Variants in PROCA1 observed in about 807,000 individuals in gnomAD.
The protein encoded by PROCA1 is protein interacting with cyclin A1.
Under a neutral mutation model 23.2 loss-of-function variants are expected in PROCA1, and 22 were observed. The ratio of observed to expected loss-of-function variants is 0.95; its 90% CI spans 0.68 to 1.35. The LOEUF (loss-of-function observed/expected upper bound fraction) is 1.35. Ranked by LOEUF, PROCA1 falls within the 40% of genes most tolerant of loss-of-function variation. PROCA1 has a pLI of 0.00. For missense variants in PROCA1, 469 were observed against 459.8 expected, an observed-to-expected ratio of 1.02 and a Z score of -0.18; for synonymous variants, 182 against 179.2, an observed-to-expected ratio of 1.02 and a Z score of -0.12.
At position 28,711,625 on chromosome 17, in the gene PROCA1, C is replaced by T; in HGVS notation, c.36G>A (p.Trp12Ter). 2.5e-6 allele frequency: 4 copies of T among 1,612,688 alleles called. No homozygotes were observed. Among genetic ancestry groups the T allele is most frequent in the Non-Finnish European group, 3.4e-6 (4 of 1,179,596 alleles). The change falls in exon 1 of 5, where the codon TGG (tryptophan) becomes TGA (stop). Residue 12 changes from tryptophan (W) to a stop codon, truncating the protein, a stop_gained. Transcript: ENST00000682792. LOFTEE classifies it high-confidence loss of function. The part of the protein sequence containing the change: ...WVRTTLTIER[W>*]TKEKTEPKAR... ...CCTTGGGCTCGGTCTTTTCCTTAGT[C>T]CATCTTTCAATTGTGAGCGTCGTCC...
chr17:28,704,063 G>A lies in PROCA1; in HGVS notation c.590C>T (p.Ser197Phe). 1.2e-6 allele frequency: 2 copies of A among 1,602,966 alleles called. No individual in the cohort carries two copies. Among genetic ancestry groups the A allele is most frequent in the Non-Finnish European group, 1.7e-6 (2 of 1,176,346 alleles). ...IPTQVGPATA[S>F]PDLGTSMATG... is the part of the protein sequence containing the mutation. ...GGCCATGCTGGTGCCTAGGTCAGGGGAGGCGGTGGCGGGCCCCACCTGTGT... is the reference window on the plus strand; with the variant it reads ...GGCCATGCTGGTGCCTAGGTCAGGGAAGGCGGTGGCGGGCCCCACCTGTGT... The change falls in exon 5 of 5, where the codon TCC (serine) becomes TTC (phenylalanine). Residue 197 changes from serine to phenylalanine, a missense_variant. Physicochemically the swap from Ser to Phe is radical, Grantham distance 155 (BLOSUM62 -2). Transcript: ENST00000682792.
intron 1 of PROCA1, 25 bp downstream of exon 1, chr17:28,711,545 C>G: frequency 6.3e-7 from 1 of 1,592,628 alleles, no homozygotes; most frequent in South Asian, 1.1e-5. Flanking sequence ...CGCCCTCTGC[C>G]CAGCCCCTGC....
At chr17:28,709,826 T>C (rs2032697062) in intron 1 of PROCA1, among the ~76,000 whole-genome samples, 1 of 150,632 alleles carries the variant, frequency 6.6e-6, no homozygotes, top group Non-Finnish European at 1.5e-5. Context: ...GTGAAATCCC[T>C]TCTCTAATAA....
rs772073223 is a variant in PROCA1, at chr17:28,704,085, G to C, written c.568C>G (p.Gln190Glu). ...GGGGAGGCGGTGGCGGGCCCCACCT[G>C]TGTCGGGATGGGGGGCTTGCTTTCC... ...EEESKPPIPT[Q>E]VGPATASPDL... Residue 190 changes from glutamine (Q) to glutamate (E), a missense_variant, in exon 5 of 5, where the codon CAG becomes GAG. By Grantham distance (29) the Gln-to-Glu change is conservative. Coordinates refer to ENST00000682792, the MANE Select transcript of PROCA1 (RefSeq NM_001366301.1). 1.3e-6 allele frequency: 2 copies of C among 1,591,776 alleles called. No individual in the cohort carries two copies. The highest frequency in any genetic ancestry group is 1.7e-4 in the Middle Eastern group (1 of 5,924).
rs2032800370 is a variant in PROCA1, at chr17:28,711,799, G to C, written c.-139C>G. On this transcript the variant is annotated 5_prime_UTR_variant, in exon 1 of 5. Coordinates refer to ENST00000682792, the MANE Select transcript of PROCA1 (RefSeq NM_001366301.1). The stretch of plus-strand genomic sequence containing the variant: ...CGCCTAGCCCCTAACCCCGCCTCAT[G>C]CTGGCGCAGCCCCCGCCGGCCTCCC... The C allele has an allele frequency of 1.5e-6, 1 of 654,368 alleles. No individual in the cohort carries two copies. Among genetic ancestry groups the C allele is most frequent in the Non-Finnish European group, 2.4e-6 (1 of 414,882 alleles). 40.5% of individuals were successfully genotyped at this position (654,368 alleles called of 1,614,324 possible).
In PROCA1 at chr17:28,703,544, T is replaced by G; in HGVS notation, c.*14A>C. 6.2e-7 allele frequency: 1 copy of G among 1,608,068 alleles called. No individual in the cohort carries two copies. Among genetic ancestry groups the G allele is most frequent in the Non-Finnish European group, 8.5e-7 (1 of 1,176,760 alleles). On this transcript the variant is annotated 3_prime_UTR_variant, in exon 5 of 5. Coordinates refer to ENST00000682792, the MANE Select transcript of PROCA1 (RefSeq NM_001366301.1). ...GCTCGATGGCATTTATTCTGCACCC[T>G]GACCACCCTGGCCTCAACTGAGGTT...
intron 2 of PROCA1, chr17:28,705,751 C>T (rs1398252706): frequency 6.6e-6 from 1 of 152,376 alleles, no homozygotes; most frequent in Non-Finnish European, 1.5e-5. Flanking sequence ...AGGCCTCTAT[C>T]TCAAAGGTAA....
In PROCA1 at chr17:28,704,696, G is replaced by A; in HGVS notation, c.311+12C>T. On this transcript the variant is annotated intron_variant, in intron 3 of 4. Transcript: ENST00000682792. ...GCTCTGCCATGGGTCCCCCAAGGGG[G>A]CGGGCCCTCACCTAGAATTACAGTT... 6.2e-7 allele frequency: 1 copy of A among 1,613,886 alleles called. No individual in the cohort carries two copies. The highest frequency in any genetic ancestry group is 8.5e-7 in the Non-Finnish European group (1 of 1,179,844).
Position 28,703,612 on chromosome 17 carries a change from G to A in PROCA1, c.1041C>T (p.Ala347=), listed in dbSNP as rs2032240717. 6.2e-7 allele frequency: 1 copy of A among 1,614,102 alleles called. No individual in the cohort carries two copies. Among genetic ancestry groups the A allele is most frequent in the African/African-American group, 1.3e-5 (1 of 75,044 alleles). ...GAGATTTTCTCTTGTTTACCTTCCT[G>A]GCTTGTGAGGGCTTTGCCCCTGTCT... ...AKKTGAKPSQ[A]RKVNKRKSPP... The change falls in exon 5 of 5, where the codon GCC becomes GCT. Residue 347 remains alanine, a synonymous_variant. Coordinates refer to ENST00000682792, the MANE Select transcript of PROCA1 (RefSeq NM_001366301.1).
intron 1 of PROCA1, among the ~76,000 whole-genome samples, chr17:28,710,616 G>A (rs968801421): frequency 1.3e-5 from 2 of 151,970 alleles, no homozygotes; most frequent in Non-Finnish European, 2.9e-5. Flanking sequence ...TTGTGAAGGA[G>A]ACGAGGGGAG....
chr17:28,703,715 C>G lies in PROCA1; in HGVS notation c.938G>C (p.Gly313Ala). 6.2e-7 allele frequency: 1 copy of G among 1,614,100 alleles called. No individual in the cohort carries two copies. The highest frequency in any genetic ancestry group is 8.5e-7 in the Non-Finnish European group (1 of 1,180,034). The stretch of plus-strand genomic sequence containing the variant: ...ATCCTCGCTGGACAGTTCTCCCTGC[C>G]CCCGGCCATTGTAACTGTCCTCGCT... ...LESEDSYNGRGQGELSSEDIV... is the reference protein window; with the variant it reads ...LESEDSYNGRAQGELSSEDIV... The change falls in exon 5 of 5, where the codon GGG becomes GCG. Residue 313 changes from glycine to alanine, a missense_variant. Gly to Ala is a moderately conservative substitution (Grantham distance 60, BLOSUM62 0). Transcript: ENST00000682792.
At chr17:28,711,004 G>GGAAGGGAGGGAAGGAGTAGGGCGC in intron 1 of PROCA1, 1 of 982,740 alleles carries the variant, frequency 1.0e-6, no homozygotes, top group South Asian at 1.5e-5. Flanking sequence ...GAGTAGGGCG[G>GGAAGGGAGGGAAGGAGTAGGGCGC]GAAGGGAGGG....
At chr17:28,710,434 G>C (rs553741629) in intron 1 of PROCA1, among the ~76,000 whole-genome samples, 1 of 151,214 alleles carries the variant, frequency 6.6e-6, no homozygotes, top group African/African-American at 2.4e-5. Context: ...TTGAACCCGG[G>C]AGGTGGAGTT....
At chr17:28,711,523 C>G in intron 1 of PROCA1, 47 bp downstream of exon 1, 3 of 1,506,224 alleles carry the variant, frequency 2.0e-6, no homozygotes, top group Non-Finnish European at 2.7e-6. Context: ...TCGGGGTCTG[C>G]GAGCCGGGCC....
At chr17:28,710,768 A>C in intron 1 of PROCA1, 2 of 1,302,326 alleles carry the variant, frequency 1.5e-6, no homozygotes, top group East Asian at 5.6e-5. Context: ...GACAACACAC[A>C]CAATGAATGA....
rs1282660437 is a variant in PROCA1 at position 28,711,519 on chromosome 17, T to C, written c.91+51A>G. ...GGCTTCCCGCGTGCGCCGCTCGGGG[T>C]CTGCGAGCCGGGCCGCGCCCTCTGC... On this transcript the variant is annotated intron_variant, in intron 1 of 4. Transcript: ENST00000682792. 4.1e-6 allele frequency: 6 copies of C among 1,476,818 alleles called. No individual in the cohort carries two copies. The East Asian group carries it at 1.2e-4, about 29-fold the overall frequency. 91.5% of individuals were successfully genotyped at this position (1,476,818 alleles called of 1,614,324 possible).
Position 28,703,588 on chromosome 17 carries a change from A to G in PROCA1, c.1065T>C (p.Ser355=), listed in dbSNP as rs1377139451. 1.9e-6 allele frequency: 3 copies of G among 1,613,866 alleles called. No homozygotes were observed. The African/African-American group carries it at 4.0e-5, about 22-fold the overall frequency. The change falls in exon 5 of 5, where the codon TCT becomes TCC. Residue 355 remains serine (S), a synonymous_variant. Transcript: ENST00000682792. ...SQARKVNKRK[S]PPGSNPNLS Reference sequence around the variant, plus strand: ...TGAGGTTGGGGTTTGATCCTGGGGGAGATTTTCTCTTGTTTACCTTCCTGG... The same window carrying G: ...TGAGGTTGGGGTTTGATCCTGGGGGGGATTTTCTCTTGTTTACCTTCCTGG...
At chr17:28,711,263 G>T in intron 1 of PROCA1, 1 of 689,946 alleles carries the variant, frequency 1.4e-6, no homozygotes. Flanking sequence ...GCCTGCGCCC[G>T]GTGCCACCCA....
At chr17:28,708,746 A>AAAAAAAAAAAAAC (rs1397882346) in intron 1 of PROCA1, among the ~76,000 whole-genome samples, 9 of 150,894 alleles carry the variant, frequency 6.0e-5, no homozygotes, top group South Asian at 2.1e-4. Flanking sequence ...AAAAAAAAAA[A>AAAAAAAAAAAAAC]CGACATTTTG....
Sources: gnomAD v4.1 joint callset for allele counts (sites outside exome capture counted in the v4.1 genomes callset) on GRCh38, gnomAD v4.1.1 for gene constraint, MANE v1.5 for transcripts, NCBI Gene and HGNC (gene_info 2026-07-23, HGNC 2026-07-21) for gene names.